Variants in RMI1 observed in about 807,000 individuals in gnomAD.
RMI1 encodes RecQ mediated genome instability 1, also known as recQ-mediated genome instability protein 1.
In RMI1, 36 loss-of-function variants were observed where a neutral mutation model predicts 46.7. The observed-to-expected ratio is 0.77, with a 90% confidence interval of 0.59 to 1.02. RMI1 has a LOEUF of 1.02. Ranked by LOEUF, RMI1 falls within the 50% of genes least tolerant of loss-of-function variation. The pLI is 0.00. For synonymous variants in RMI1, 250 were observed against 252.9 expected (o/e 0.99, Z 0.11); for missense variants, 676 against 713.7 (o/e 0.95, Z 0.60).
At chr9:83,992,901 T>C (rs964593662) in intron 1 of RMI1, 2 of 152,152 alleles carry the variant, frequency 1.3e-5, no homozygotes, top group East Asian at 1.9e-4. Flanking sequence ...TTTTTAAAAT[T>C]GTAGTGAAAA....
At chr9:83,985,726 C>T (rs180947086) in intron 1 of RMI1, among the ~76,000 whole-genome samples, 2 of 152,236 alleles carry the variant, frequency 1.3e-5, no homozygotes, top group African/African-American at 2.4e-5. Context: ...GTAGCACATA[C>T]GGCCGGGCGC....
intron 2 of RMI1, 86 bp downstream of exon 2, chr9:83,999,883 T>C (rs966612971): frequency 2.0e-5 from 3 of 152,230 alleles, no homozygotes; most frequent in African/African-American, 7.2e-5. Flanking sequence ...AGTATACTTT[T>C]GTGAACACAT....
At chr9:83,990,521 A>AC (rs991734607) in intron 1 of RMI1, among the ~76,000 whole-genome samples, 3 of 151,880 alleles carry the variant, frequency 2.0e-5, no homozygotes, top group Admixed American at 6.6e-5. Context: ...AAAAAAAAAA[A>AC]AAAACAATTG....
At chr9:83,980,769 G>C (rs1284804360), upstream of RMI1, 2 of 152,392 alleles carry the variant, frequency 1.3e-5, no homozygotes, top group African/African-American at 4.8e-5. Flanking sequence ...AGGGGCGCGA[G>C]CGCGCGGCAA....
rs2133130951 is a variant in RMI1, at chr9:84,001,178, G to A, written c.192G>A (p.Leu64=). ...GGCTCCTTACTGATCTGAGGGATTT[G>A]GAGCATCCTCTTTTACCCGATGGCA... ...EQWLLTDLRD[L]EHPLLPDGIL... The change falls in exon 3 of 3, where the codon TTG becomes TTA. Residue 64 remains leucine, a synonymous_variant. Transcript: ENST00000445877. The A allele has an allele frequency of 1.9e-6, 3 of 1,614,060 alleles. No homozygotes were observed. Among genetic ancestry groups the A allele is most frequent in the African/African-American group, 2.7e-5 (2 of 75,038 alleles).
chr9:83,981,507 G>T (rs936272663), intron 1 of RMI1, among the ~76,000 whole-genome samples: 1 of 152,108 alleles, frequency 6.6e-6, no homozygotes, highest in Non-Finnish European at 1.5e-5. Flanking sequence ...TACTTTTAAG[G>T]CTCCTGTGCC....
At chr9:83,991,688 T>C (rs949676562) in intron 1 of RMI1, among the ~76,000 whole-genome samples, 3 of 152,364 alleles carry the variant, frequency 2.0e-5, no homozygotes, top group East Asian at 3.9e-4. Context: ...ACTTTTCTTA[T>C]ACATATTTTG....
chr9:83,991,920 C>T (rs548604478), intron 1 of RMI1, among the ~76,000 whole-genome samples: 1 of 152,230 alleles, frequency 6.6e-6, no homozygotes, highest in East Asian at 1.9e-4. Context: ...TAGTGTGAAT[C>T]CTCCAACTTT....
chr9:83,993,722 C>T (rs1483769988), intron 1 of RMI1, among the ~76,000 whole-genome samples: 2 of 150,978 alleles, frequency 1.3e-5, no homozygotes, highest in African/African-American at 4.8e-5. Flanking sequence ...ATTTGTATTT[C>T]TTTTATGATT....
intron 1 of RMI1, among the ~76,000 whole-genome samples, chr9:83,986,369 C>T (rs753198259): frequency 7.9e-5 from 12 of 152,032 alleles, no homozygotes; most frequent in East Asian, 1.9e-4. Context: ...ATAGAATGGC[C>T]GTTTATATGT....
At chr9:83,991,713 A>G (rs926002618) in intron 1 of RMI1, among the ~76,000 whole-genome samples, 1 of 152,212 alleles carries the variant, frequency 6.6e-6, no homozygotes, top group African/African-American at 2.4e-5. Flanking sequence ...TTTAGTTTTT[A>G]CACTTGGCTC....
intron 1 of RMI1, among the ~76,000 whole-genome samples, chr9:83,986,391 A>G (rs1957491200): frequency 6.6e-6 from 1 of 152,222 alleles, no homozygotes; most frequent in South Asian, 2.1e-4. Context: ...GATTTTATAC[A>G]TAAGTGGGTT....
At position 84,000,963 on chromosome 9, in the gene RMI1, T is replaced by A. The variant is rs771505455; in HGVS notation, c.-24T>A. The A allele has an allele frequency of 3.3e-6, 5 of 1,535,128 alleles. No individual in the cohort carries two copies. The highest frequency in any genetic ancestry group is 4.4e-6 in the Non-Finnish European group (5 of 1,139,700). ...TTTTTGTTTTCAGGTAATAGATGCA[T>A]ATTATTTCTTTTATTTAAAAGAAAT... is the stretch of plus-strand genomic sequence containing the variant. On this transcript the variant is annotated 5_prime_UTR_variant, in exon 3 of 3. Coordinates refer to ENST00000445877, the MANE Select transcript of RMI1 (RefSeq NM_001358291.2).
At chr9:83,981,212 T>C (rs561542193) in intron 1 of RMI1, among the ~76,000 whole-genome samples, 34 of 152,262 alleles carry the variant, frequency 2.2e-4, no homozygotes, top group Admixed American at 5.2e-4. Context: ...GCACAGGCGG[T>C]TTCACAGGGC....
At chr9:83,984,739 T>G (rs555846812) in intron 1 of RMI1, among the ~76,000 whole-genome samples, 1 of 151,938 alleles carries the variant, frequency 6.6e-6, no homozygotes, top group South Asian at 2.1e-4. Context: ...TTTTTTTGTA[T>G]TTTTAGTAGA....
chr9:83,983,458 G>T (rs1312059983), intron 1 of RMI1, among the ~76,000 whole-genome samples: 1 of 152,124 alleles, frequency 6.6e-6, no homozygotes, highest in South Asian at 2.1e-4. Context: ...CATCCTCAAT[G>T]AATTAAAATG....
chr9:83,992,183 A>G (rs190246069), intron 1 of RMI1, among the ~76,000 whole-genome samples: 1 of 152,300 alleles, frequency 6.6e-6, no homozygotes, highest in African/African-American at 2.4e-5. Context: ...AGTTTTCAGC[A>G]TAGTGTTTGC....
chr9:83,983,833 G>A (rs755525452), intron 1 of RMI1, among the ~76,000 whole-genome samples: 5 of 152,010 alleles, frequency 3.3e-5, no homozygotes, highest in Non-Finnish European at 7.4e-5. Flanking sequence ...TAAAATTAAT[G>A]GGGATTAAGC....
chr9:83,992,802 T>TTC (rs1433459960), intron 1 of RMI1: 1 of 152,232 alleles, frequency 6.6e-6, no homozygotes, highest in African/African-American at 2.4e-5. Context: ...TTTTTGTAGA[T>TTC]TCTTTAGCAT....
Sources: gnomAD v4.1 joint callset for allele counts (sites outside exome capture counted in the v4.1 genomes callset) on GRCh38, gnomAD v4.1.1 for gene constraint, MANE v1.5 for transcripts, NCBI Gene and HGNC (gene_info 2026-07-23, HGNC 2026-07-21) for gene names.